Variants in PLCB4 observed in about 807,000 individuals in gnomAD.
PLCB4 encodes phospholipase C beta 4, also known as 1-phosphatidylinositol 4,5-bisphosphate phosphodiesterase beta-4.
A neutral mutation model predicts 178.8 loss-of-function variants in PLCB4; 77 were observed. The observed-to-expected ratio is 0.43, with a 90% CI of 0.36 to 0.52. The LOEUF (loss-of-function observed/expected upper bound fraction) is 0.52. Among genes scored for constraint, PLCB4 ranks in the 20% least tolerant of loss-of-function variants. The pLI, the probability that PLCB4 is intolerant of heterozygous loss-of-function variation, is 0.00. For missense variants in PLCB4, 1,024 were observed against 1,453.4 expected, an observed-to-expected ratio of 0.70 and a Z score of 4.80; for synonymous variants, 496 against 490.8, an observed-to-expected ratio of 1.01 and a Z score of -0.14.
intron 2 of PLCB4, among the ~76,000 whole-genome samples, chr20:9,137,562 A>G (rs2092408216): frequency 6.6e-6 from 1 of 152,110 alleles, no homozygotes; most frequent in Non-Finnish European, 1.5e-5. Flanking sequence ...GTTAATTATA[A>G]TGTATTTAAC....
At chr20:9,277,102 C>T (rs181753446) in intron 3 of PLCB4, among the ~76,000 whole-genome samples, 219 of 152,150 alleles carry the variant, frequency 1.4e-3, no homozygotes, top group Middle Eastern at 0.01. Flanking sequence ...CACCTACTGC[C>T]GCTATGTGAC....
chr20:9,127,707 C>T (rs73609426), intron 2 of PLCB4, among the ~76,000 whole-genome samples: 5,254 of 151,766 alleles, frequency 0.035, 266 homozygotes, highest in African/African-American at 0.12. Context: ...TCTATCTAAA[C>T]GGAGTCTTGC....
chr20:9,265,798 C>T, intron 3 of PLCB4, among the ~76,000 whole-genome samples: 1 of 152,114 alleles, frequency 6.6e-6, no homozygotes, highest in East Asian at 1.9e-4. Context: ...GATGGATGCC[C>T]TGCCTCAGTG....
At chr20:9,086,980 T>C (rs1223207699) in intron 1 of PLCB4, among the ~76,000 whole-genome samples, 3 of 152,212 alleles carry the variant, frequency 2.0e-5, no homozygotes, top group African/African-American at 7.2e-5. Context: ...TTTGTCTTAT[T>C]AATATAGCCA....
chr20:9,096,480 A>T (rs1245529022), intron 2 of PLCB4, 138 bp downstream of exon 2: 7 of 152,230 alleles, frequency 4.6e-5, no homozygotes. Flanking sequence ...CCTCAGATTC[A>T]TCTTTCTAAA....
intron 26 of PLCB4, among the ~76,000 whole-genome samples, chr20:9,421,060 T>A (rs1602565119): frequency 9.0e-6 from 1 of 110,810 alleles, no homozygotes; most frequent in Non-Finnish European, 1.7e-5. Context: ...TTTTTCTTTG[T>A]TTTTTTTCTA....
At chr20:9,456,159 G>C (rs958495106) in intron 33 of PLCB4, among the ~76,000 whole-genome samples, 4 of 152,144 alleles carry the variant, frequency 2.6e-5, no homozygotes, top group Non-Finnish European at 5.9e-5. Flanking sequence ...AACTGCAACT[G>C]AGTTGCTAAA....
chr20:9,068,733 G>A (rs1350261303), upstream of PLCB4: 2 of 151,794 alleles, frequency 1.3e-5, no homozygotes, highest in Admixed American at 6.6e-5. Context: ...GAGCCGGGAG[G>A]CGAGAACGAG....
At chr20:9,449,182 T>C (rs2042597228) in intron 32 of PLCB4, among the ~76,000 whole-genome samples, 2 of 152,098 alleles carry the variant, frequency 1.3e-5, no homozygotes, top group South Asian at 4.1e-4. Flanking sequence ...TAATTAACAA[T>C]AATCCTCCCC....
At chr20:9,381,419 G>A (rs1207654988) in intron 13 of PLCB4, among the ~76,000 whole-genome samples, 1 of 152,142 alleles carries the variant, frequency 6.6e-6, no homozygotes, top group East Asian at 1.9e-4. Context: ...CTGACCGGGT[G>A]CCAAGCACTG....
At chr20:9,253,464 G>C (rs2094202257) in intron 3 of PLCB4, among the ~76,000 whole-genome samples, 1 of 152,130 alleles carries the variant, frequency 6.6e-6, no homozygotes, top group Admixed American at 6.5e-5. Context: ...GTGACTGCCA[G>C]TTTCTTTCAG....
At chr20:9,464,780 G>T (rs2043651391) in intron 35 of PLCB4, among the ~76,000 whole-genome samples, 2 of 152,036 alleles carry the variant, frequency 1.3e-5, no homozygotes, top group Non-Finnish European at 2.9e-5. Context: ...TAAAGTTGAG[G>T]CAATAATTAA....
chr20:9,178,340 T>A (rs2093188774), intron 2 of PLCB4, among the ~76,000 whole-genome samples: 1 of 151,862 alleles, frequency 6.6e-6, no homozygotes, highest in South Asian at 2.1e-4. Flanking sequence ...AATAAATAAA[T>A]AAATAAAAAT....
At chr20:9,362,432 A>G (rs912650152) in intron 7 of PLCB4, among the ~76,000 whole-genome samples, 5 of 152,214 alleles carry the variant, frequency 3.3e-5, no homozygotes, top group African/African-American at 4.8e-5. Flanking sequence ...GCTGGAAAAC[A>G]TAGGTAAGAT....
chr20:9,408,480 G>A (rs1341571280), intron 22 of PLCB4, among the ~76,000 whole-genome samples, 153 bp from the exon 23 acceptor site: 1 of 113,066 alleles, frequency 8.8e-6, no homozygotes, highest in South Asian at 2.5e-4. Flanking sequence ...CCATCCACAG[G>A]ATGTCAATGA....
intron 7 of PLCB4, among the ~76,000 whole-genome samples, chr20:9,346,387 G>C (rs980331638): frequency 2.0e-5 from 3 of 152,302 alleles, no homozygotes; most frequent in Middle Eastern, 6.8e-3. Context: ...TTAGTGGTCT[G>C]ATGCCCAGGC....
chr20:9,322,251 G>T (rs1490590299), intron 4 of PLCB4, among the ~76,000 whole-genome samples: 1 of 151,086 alleles, frequency 6.6e-6, no homozygotes, highest in African/African-American at 2.4e-5. Context: ...GAGCCACTGT[G>T]CCTGGCCCCT....
chr20:9,208,209 C>T (rs1441830427), intron 2 of PLCB4, among the ~76,000 whole-genome samples: 3 of 152,336 alleles, frequency 2.0e-5, no homozygotes, highest in South Asian at 4.1e-4. Flanking sequence ...TGAATTCATG[C>T]TCCTTTGCTT....
At position 9,433,858 on chromosome 20, in the gene PLCB4, A is replaced by G. The variant is rs574098011; in HGVS notation, c.2525-1702A>G. Among the ~76,000 whole-genome samples the G allele has an allele frequency of 2.0e-5, 3 of 152,318 alleles. No homozygotes were observed. In the South Asian group the frequency reaches 6.2e-4, roughly 32 times the overall value. The stretch of plus-strand genomic sequence containing the variant: ...TTCTTAGGGATCATGGGTGATAAAA[A>G]CAGACCTTCTCACATGCCACTGGTG... On this transcript the variant is annotated intron_variant, in intron 28 of 39. Transcript: ENST00000378473.
Sources: allele counts gnomAD v4.1 joint callset (sites outside exome capture counted in the v4.1 genomes callset), GRCh38; gene constraint gnomAD v4.1.1; transcripts MANE v1.5; gene names NCBI Gene and HGNC (gene_info 2026-07-23, HGNC 2026-07-21).